The following LRP5 variants were observed in gnomAD, a reference collection of about 807,000 sequenced individuals.
LRP5 encodes the protein low-density lipoprotein receptor-related protein 5.
In LRP5, 62 loss-of-function variants were observed where a neutral mutation model predicts 154.1. That is an observed-to-expected ratio of 0.40 (90% CI 0.33 to 0.50). The LOEUF (loss-of-function observed/expected upper bound fraction) is 0.50, where lower values mean the gene tolerates loss of function less well. Among genes scored for constraint, LRP5 ranks in the 20% least tolerant of loss-of-function variants. The pLI is 0.55. For synonymous variants in LRP5, 966 were observed against 1,011.5 expected (o/e 0.96, Z 0.85); for missense variants, 1,915 against 2,336.7 (o/e 0.82, Z 3.72).
intron 8 of LRP5, chr11:68,404,185 T>G (rs1045340736): frequency 1.8e-5 from 8 of 450,620 alleles, no homozygotes; most frequent in Non-Finnish European, 3.5e-5. Flanking sequence ...CCCGAGGAGG[T>G]CGTTGTCTGG....
At chr11:68,347,727 T>G in intron 1 of LRP5, 120 bp from the exon 2 acceptor site, 2 of 1,233,434 alleles carry the variant, frequency 1.6e-6, no homozygotes, top group Non-Finnish European at 2.4e-6. Flanking sequence ...AGGAAGGAAC[T>G]GGAGGTCTTG....
upstream of LRP5, among the ~76,000 whole-genome samples, chr11:68,310,060 A>G (rs1296440215): frequency 1.3e-5 from 2 of 152,242 alleles, no homozygotes; most frequent in Non-Finnish European, 2.9e-5. Context: ...TGGAGCTTCC[A>G]TGCTAGTGGA....
At chr11:68,362,462 C>A (rs568150549) in intron 3 of LRP5, among the ~76,000 whole-genome samples, 2 of 152,136 alleles carry the variant, frequency 1.3e-5, no homozygotes, top group Non-Finnish European at 2.9e-5. Flanking sequence ...GCGGGTGGAT[C>A]GCCTGAGCTC....
At chr11:68,377,467 CGG>C (rs2098638005) in intron 5 of LRP5, among the ~76,000 whole-genome samples, 1 of 152,230 alleles carries the variant, frequency 6.6e-6, no homozygotes, top group African/African-American at 2.4e-5. Context: ...GAGCCAGCAT[CGG>C]GCCCAGCCAC....
At position 68,423,389 on chromosome 11, in the gene LRP5, C is replaced by T. The variant is rs1015531305; in HGVS notation, c.3028-100C>T. 2.7e-6 allele frequency: 3 copies of T among 1,120,912 alleles called. No individual in the cohort carries two copies. The highest frequency in any genetic ancestry group is 1.4e-6 in the Non-Finnish European group (1 of 733,636). 69.4% of individuals were successfully genotyped at this position (1,120,912 alleles called of 1,614,324 possible). A position where few individuals can be genotyped will look rare whatever the true frequency, so the allele number is the denominator to read the frequency against. ...GGCTCTCCAGCCAGTGCCCGGGGGT[C>T]TCCACCAGTGCCCGGGGGTCTCCGC... On this transcript the variant is annotated intron_variant, in intron 13 of 22. Coordinates refer to ENST00000294304, the MANE Select transcript of LRP5 (RefSeq NM_002335.4). This position sits in a 1 kb window ranked among gnomAD's most constrained non-coding sequence, Gnocchi z 4.7.
intron 20 of LRP5, among the ~76,000 whole-genome samples, 167 bp from the exon 21 acceptor site, chr11:68,439,610 T>C (rs2098677003): frequency 6.6e-6 from 1 of 152,212 alleles, no homozygotes; most frequent in Non-Finnish European, 1.5e-5. Flanking sequence ...ACTCTAGTAG[T>C]GGCCAGAGAG....
chr11:68,312,157 A>T (rs900637673), upstream of LRP5, among the ~76,000 whole-genome samples: 1 of 152,240 alleles, frequency 6.6e-6, no homozygotes. Flanking sequence ...CCAGCCGGCC[A>T]CTTCTCTCCC....
At position 68,389,985 on chromosome 11, in the gene LRP5, A is replaced by T. The variant is rs1298619014; in HGVS notation, c.1517A>T (p.Asn506Ile). The change falls in exon 7 of 23, where the codon AAC becomes ATC. Residue 506 changes from asparagine to isoleucine, a missense_variant. Coordinates refer to ENST00000294304, the MANE Select transcript of LRP5 (RefSeq NM_002335.4). ...GTCAATGCCTCCCTCGGGTGGCCCAACGGCCTGGCCCTGGACCTGCAGGAG... is the reference window on the plus strand; with the variant it reads ...GTCAATGCCTCCCTCGGGTGGCCCATCGGCCTGGCCCTGGACCTGCAGGAG... Reference protein sequence around the residue: ...VLVNASLGWPNGLALDLQEGK... With the variant: ...VLVNASLGWPIGLALDLQEGK... The T allele has an allele frequency of 6.2e-7, 1 of 1,614,180 alleles. No homozygotes were observed. Among genetic ancestry groups the T allele is most frequent in the Non-Finnish European group, 8.5e-7 (1 of 1,180,024 alleles).
chr11:68,370,045 C>T (rs892346990), intron 5 of LRP5, among the ~76,000 whole-genome samples: 1 of 152,076 alleles, frequency 6.6e-6, no homozygotes, highest in African/African-American at 2.4e-5. Context: ...CACTCAGGGT[C>T]CAGGTTTGCC....
intron 21 of LRP5, among the ~76,000 whole-genome samples, chr11:68,443,580 TATA>T (rs1169577252): frequency 4.4e-4 from 18 of 40,764 alleles, no homozygotes; most frequent in African/African-American, 1.6e-3. Flanking sequence ...TATATATATA[TATA>T]TATTTTTTTT....
At chr11:68,329,967 A>C (rs1230401024) in intron 1 of LRP5, among the ~76,000 whole-genome samples, 1 of 152,216 alleles carries the variant, frequency 6.6e-6, no homozygotes, top group Non-Finnish European at 1.5e-5. Context: ...GGGACTCTGA[A>C]ATACATATTT....
chr11:68,335,486 C>T (rs1214544938), intron 1 of LRP5, among the ~76,000 whole-genome samples: 2 of 151,962 alleles, frequency 1.3e-5, no homozygotes, highest in East Asian at 3.9e-4. Flanking sequence ...CACTTGAGCC[C>T]AGGAGGTTGA....
At position 68,411,801 on chromosome 11, in the gene LRP5, C is replaced by G. The variant is rs542052092; in HGVS notation, c.2503+181C>G. Among the ~76,000 whole-genome samples the G allele has an allele frequency of 1.1e-3, 168 of 152,340 alleles. 1 individual carries two copies. The highest frequency in any genetic ancestry group is 5.2e-3 in the South Asian group (25 of 4,830). Reference sequence around the variant, plus strand: ...GCTGTGGGAGTTGTCCCCGTCCACCCCTGGGTGCCTTTGCTGCAGTTATGT... The same window carrying G: ...GCTGTGGGAGTTGTCCCCGTCCACCGCTGGGTGCCTTTGCTGCAGTTATGT... On this transcript the variant is annotated intron_variant, in intron 11 of 22. Transcript: ENST00000294304.
chr11:68,336,688 C>T (rs1244174612), intron 1 of LRP5, among the ~76,000 whole-genome samples: 1 of 152,164 alleles, frequency 6.6e-6, no homozygotes, highest in East Asian at 1.9e-4. Context: ...AGACTGGTCT[C>T]GAACCCCTGA....
intron 5 of LRP5, among the ~76,000 whole-genome samples, chr11:68,378,521 ACCTCC>A (rs2098638631): frequency 5.2e-3 from 2 of 384 alleles, no homozygotes; most frequent in African/African-American, 7.9e-3. Flanking sequence ...ATCCTGACCC[ACCTCC>A]CACCTCCCTT....
At chr11:68,433,579 G>A (rs2098673137) in intron 17 of LRP5, 23 bp from the exon 18 acceptor site, 1 of 1,599,438 alleles carries the variant, frequency 6.3e-7, no homozygotes, top group East Asian at 2.2e-5. Flanking sequence ...TGCGTGTGAT[G>A]TTCTCCTCTG....
intron 7 of LRP5, among the ~76,000 whole-genome samples, chr11:68,394,881 G>A (rs905864110): frequency 6.6e-6 from 1 of 152,226 alleles, no homozygotes; most frequent in Non-Finnish European, 1.5e-5. Flanking sequence ...AAGGGACGGA[G>A]GTCAGGAGGT....
At chr11:68,304,794 T>G in the LRP5 span, among the ~76,000 whole-genome samples, 1 of 152,268 alleles carries the variant, frequency 6.6e-6, no homozygotes, top group Non-Finnish European at 1.5e-5. Flanking sequence ...TGGACTTGCT[T>G]GGGGCCTATA....
chr11:68,406,516 G>A lies in LRP5; in HGVS notation c.1802-8G>A, dbSNP rs763059889. Reference sequence around the variant, plus strand: ...TGTTTAGACTGGAGCCTCTGTGTTCGCTTCCAGGAACCAACCCGTGTGCGG... The same window carrying A: ...TGTTTAGACTGGAGCCTCTGTGTTCACTTCCAGGAACCAACCCGTGTGCGG... On this transcript the variant is annotated splice_polypyrimidine_tract_variant and splice_region_variant and intron_variant, in intron 8 of 22. Transcript: ENST00000294304. The A allele has an allele frequency of 1.9e-5, 30 of 1,613,896 alleles. No individual in the cohort carries two copies. The South Asian group carries it at 2.3e-4, about 12-fold the overall frequency.
Sources: gnomAD v4.1 joint callset for allele counts (sites outside exome capture counted in the v4.1 genomes callset) on GRCh38, gnomAD v4.1.1 for gene constraint, Gnocchi (gnomAD v3.1) non-coding constraint, MANE v1.5 for transcripts, NCBI Gene and HGNC (gene_info 2026-07-23, HGNC 2026-07-21) for gene names.